The following KLF7 variants were observed in gnomAD, a reference collection of about 807,000 sequenced individuals.
The protein encoded by KLF7 is Krueppel-like factor 7.
A neutral mutation model predicts 27.3 loss-of-function variants in KLF7; 2 were observed. The ratio of observed to expected loss-of-function variants is 0.07; its 90% CI spans 0.03 to 0.23. KLF7 has a LOEUF of 0.23. Ranked by LOEUF, KLF7 falls within the 10% of genes least tolerant of loss-of-function variation. The probability of loss-of-function intolerance (pLI) is 1.00; values close to 1 mark genes in which losing one functional copy is unlikely to be tolerated. For synonymous variants in KLF7, 165 were observed against 162.4 expected, an observed-to-expected ratio of 1.02 and a Z score of -0.12; for missense variants, 221 against 394.1, an observed-to-expected ratio of 0.56 and a Z score of 3.72.
chr2:207,086,643 G>A (rs962507458), intron 3 of KLF7, among the ~76,000 whole-genome samples: 4 of 152,180 alleles, frequency 2.6e-5, no homozygotes, highest in African/African-American at 4.8e-5. Flanking sequence ...ATTTCTCCAC[G>A]TAAATCATAC....
intron 1 of KLF7, among the ~76,000 whole-genome samples, chr2:207,144,321 T>C (rs1229536027): frequency 6.6e-6 from 1 of 152,206 alleles, no homozygotes; most frequent in Admixed American, 6.5e-5. Flanking sequence ...AATGGGATGC[T>C]CCTTCATCTG....
chr2:207,093,973 A>C (rs1373011261), intron 2 of KLF7, among the ~76,000 whole-genome samples: 1 of 152,228 alleles, frequency 6.6e-6, no homozygotes, highest in Non-Finnish European at 1.5e-5. Context: ...GAGGATCCTG[A>C]AAACTTCCTG....
rs892459414 is a variant in KLF7, at chr2:207,074,185, T to C, written c.*7028A>G. ...AAAGTTTCTTGTCAGATTCATTTGATTAGGGATAGAGGTTATTCACCACCG... is the reference window on the plus strand; with the variant it reads ...AAAGTTTCTTGTCAGATTCATTTGACTAGGGATAGAGGTTATTCACCACCG... On this transcript the variant is annotated 3_prime_UTR_variant, in exon 4 of 4. Transcript: ENST00000309446. 1 of 152,224 alleles carries C rather than the reference T, an allele frequency of 6.6e-6. No homozygotes were observed. The highest frequency in any genetic ancestry group is 6.5e-5 in the Admixed American group (1 of 15,284). 9.4% of individuals were successfully genotyped at this position (152,224 alleles called of 1,614,324 possible).
In KLF7 at chr2:207,165,710, A is replaced by G. The variant is rs1451753963; in HGVS notation, c.-142T>C. 6.8e-7 allele frequency: 1 copy of G among 1,469,324 alleles called. No individual in the cohort carries two copies. The highest frequency in any genetic ancestry group is 2.4e-5 in the East Asian group (1 of 41,554). The allele number at this position is 1,469,324 out of a possible 1,614,324, so 91.0% of individuals were successfully genotyped here. A position where few individuals can be genotyped will look rare whatever the true frequency, so the allele number is the denominator to read the frequency against. On this transcript the variant is annotated 5_prime_UTR_variant, in exon 1 of 4. Coordinates refer to ENST00000309446, the MANE Select transcript of KLF7 (RefSeq NM_003709.4). ...TGTTTTGTTTTGTTTCAGTCAACTA[A>G]AAAGGAAAAAAAAAAATCAATGCAG...
intron 1 of KLF7, among the ~76,000 whole-genome samples, chr2:207,162,393 G>C (rs1236233352): frequency 6.6e-6 from 1 of 152,186 alleles, no homozygotes. Flanking sequence ...TAAAATAATA[G>C]ACCACATAAG....
intron 2 of KLF7, among the ~76,000 whole-genome samples, chr2:207,104,061 C>G (rs938585291): frequency 2.0e-5 from 3 of 152,138 alleles, no homozygotes; most frequent in African/African-American, 7.2e-5. Context: ...CCATCAAAGA[C>G]GTCAAGCCCC....
chr2:207,138,584 T>A (rs1307089570), intron 1 of KLF7, among the ~76,000 whole-genome samples: 1 of 152,246 alleles, frequency 6.6e-6, no homozygotes, highest in Non-Finnish European at 1.5e-5. Context: ...TTAAGAATTC[T>A]TAAACTACCT....
chr2:207,123,363 C>T (rs1242242347), intron 2 of KLF7, among the ~76,000 whole-genome samples: 3 of 152,130 alleles, frequency 2.0e-5, no homozygotes, highest in Non-Finnish European at 4.4e-5. Flanking sequence ...ATAGGGACAC[C>T]CTAGCTACCT....
chr2:207,122,314 C>A (rs963783745), intron 2 of KLF7, among the ~76,000 whole-genome samples: 2 of 152,066 alleles, frequency 1.3e-5, no homozygotes, highest in Non-Finnish European at 2.9e-5. Context: ...CAAGCAAGAG[C>A]CACACAGGAA....
chr2:207,123,681 G>A (rs1182809781), intron 2 of KLF7, 93 bp downstream of exon 2: 5 of 1,373,420 alleles, frequency 3.6e-6, no homozygotes, highest in Middle Eastern at 1.9e-4. Flanking sequence ...ATCAGCAGGG[G>A]TGCCACTCCT....
chr2:207,091,148 TA>T (rs1180508545), intron 2 of KLF7, among the ~76,000 whole-genome samples: 2 of 152,226 alleles, frequency 1.3e-5, no homozygotes, highest in Non-Finnish European at 2.9e-5. Context: ...GAAGGGCAGA[TA>T]AAATGAAGAA....
intron 1 of KLF7, among the ~76,000 whole-genome samples, chr2:207,129,808 T>C (rs2840196): frequency 0.37 from 56,610 of 151,988 alleles, 10,913 homozygotes; most frequent in Admixed American, 0.45. Flanking sequence ...TCCTATGGAT[T>C]GTAATCCACT....
intron 2 of KLF7, among the ~76,000 whole-genome samples, chr2:207,107,960 G>A (rs552198043): frequency 6.6e-6 from 1 of 152,184 alleles, no homozygotes; most frequent in Non-Finnish European, 1.5e-5. Context: ...AAGCTGTTCA[G>A]TTAATTTTAA....
chr2:207,093,551 G>A (rs2076559142), intron 2 of KLF7, among the ~76,000 whole-genome samples: 1 of 152,190 alleles, frequency 6.6e-6, no homozygotes, highest in Non-Finnish European at 1.5e-5. Context: ...AGCAGATTCT[G>A]TCACTTTCTC....
intron 1 of KLF7, among the ~76,000 whole-genome samples, chr2:207,154,913 G>C (rs1000280167): frequency 1.3e-5 from 2 of 152,138 alleles, no homozygotes; most frequent in Non-Finnish European, 2.9e-5. Flanking sequence ...TTACAGATAA[G>C]AAAACCAAAG....
At chr2:207,091,530 C>T (rs2076512896) in intron 2 of KLF7, among the ~76,000 whole-genome samples, 1 of 152,152 alleles carries the variant, frequency 6.6e-6, no homozygotes, top group South Asian at 2.1e-4. Flanking sequence ...GCTATTTTTC[C>T]ACCATCTGGC....
chr2:207,075,670 A>G lies in KLF7; in HGVS notation c.*5543T>C, dbSNP rs1312221310. ...AGTAGGAAGTGGGAGAAGGAGCTTG[A>G]CGCGGGGGCGGGTGGGGGCTTGTGG... is the stretch of plus-strand genomic sequence containing the variant. On this transcript the variant is annotated 3_prime_UTR_variant, in exon 4 of 4. Transcript: ENST00000309446. The G allele has an allele frequency of 6.7e-6, 1 of 148,948 alleles. No homozygotes were observed. The highest frequency in any genetic ancestry group is 6.7e-5 in the Admixed American group (1 of 14,882). The allele number at this position is 148,948 out of a possible 1,614,324, so 9.2% of individuals were successfully genotyped here.
chr2:207,132,885 A>G (rs1220097049), intron 1 of KLF7, among the ~76,000 whole-genome samples: 1 of 152,248 alleles, frequency 6.6e-6, no homozygotes, highest in African/African-American at 2.4e-5. Context: ...ACCATTAGGG[A>G]CATGATGGCC....
chr2:207,080,718 C>T lies in KLF7; in HGVS notation c.*495G>A. Reference sequence around the variant, plus strand: ...CAATTTGGTTTTCTAGGTCATTTTCCCCCAACTATTTAAAAAGAAACATTA... The same window carrying T: ...CAATTTGGTTTTCTAGGTCATTTTCTCCCAACTATTTAAAAAGAAACATTA... On this transcript the variant is annotated 3_prime_UTR_variant, in exon 4 of 4. Transcript: ENST00000309446. 1 of 397,864 alleles carries T rather than the reference C, an allele frequency of 2.5e-6. No homozygotes were observed. The highest frequency in any genetic ancestry group is 3.6e-5 in the East Asian group (1 of 28,068). 24.6% of individuals were successfully genotyped at this position (397,864 alleles called of 1,614,324 possible).
Sources: gnomAD v4.1 joint callset for allele counts (sites outside exome capture counted in the v4.1 genomes callset) on GRCh38, gnomAD v4.1.1 for gene constraint, MANE v1.5 for transcripts, NCBI Gene and HGNC (gene_info 2026-07-23, HGNC 2026-07-21) for gene names.